CAB39L: variants seen among roughly 807,000 people sequenced by gnomAD.
CAB39L encodes the protein calcium-binding protein 39-like.
In CAB39L, 23 loss-of-function variants were observed where a neutral mutation model predicts 39.1. That is an observed-to-expected ratio of 0.59 (90% CI 0.42 to 0.83). CAB39L has a LOEUF of 0.83. Ranked by LOEUF, CAB39L falls within the 40% of genes least tolerant of loss-of-function variation. The pLI, the probability that CAB39L is intolerant of heterozygous loss-of-function variation, is 0.00. For missense variants in CAB39L, 366 were observed against 391.9 expected (o/e 0.93, Z 0.56); for synonymous variants, 126 against 137.2 (o/e 0.92, Z 0.57).
rs201040016 is a variant in CAB39L, at chr13:49,444,023, G to C, written c.-283C>G. ...CTGCGCCACCACTCCAGTGATGCCG[G>C]CCTCTCGACTACGAGTAACTCCATT... On this transcript the variant is annotated 5_prime_UTR_variant, in exon 1 of 11. Transcript: ENST00000409308. 1,718 of 456,608 alleles carry C rather than the reference G, an allele frequency of 3.8e-3. 47 individuals are homozygous for C. Among genetic ancestry groups the C allele is most frequent in the South Asian group, 0.023 (1,485 of 64,566 alleles). 28.3% of individuals were successfully genotyped at this position (456,608 alleles called of 1,614,324 possible).
intron 2 of CAB39L, among the ~76,000 whole-genome samples, chr13:49,433,745 G>C (rs1410687389): frequency 6.6e-6 from 1 of 152,200 alleles, no homozygotes; most frequent in Non-Finnish European, 1.5e-5. Flanking sequence ...TTAAAGGTCA[G>C]TGTTTACAAA....
intron 8 of CAB39L, among the ~76,000 whole-genome samples, chr13:49,343,389 G>C (rs1017881227): frequency 3.9e-5 from 6 of 152,162 alleles, no homozygotes; most frequent in African/African-American, 1.4e-4. Flanking sequence ...GTAGTAACTT[G>C]CCCAGGGCCA....
At chr13:49,412,507 A>G (rs1957009897) in intron 3 of CAB39L, among the ~76,000 whole-genome samples, 1 of 152,212 alleles carries the variant, frequency 6.6e-6, no homozygotes, top group South Asian at 2.1e-4. Context: ...GTTATCAATA[A>G]TTCTGAAAAT....
At chr13:49,347,646 T>C (rs1021379438) in intron 7 of CAB39L, among the ~76,000 whole-genome samples, 3 of 152,186 alleles carry the variant, frequency 2.0e-5, no homozygotes, top group African/African-American at 7.2e-5. Flanking sequence ...TTTAATGTCA[T>C]TCTTCATGTT....
Position 49,350,731 on chromosome 13 carries a change from A to C in CAB39L, c.564+13T>G, listed in dbSNP as rs2138466572. ...TATAAATTGACCTAGCTGAGTTGGA[A>C]AAAAAAAATTACCTTGAAAGTAGCA... On this transcript the variant is annotated intron_variant, in intron 7 of 10. Coordinates refer to ENST00000409308, the MANE Select transcript of CAB39L (RefSeq NM_001079670.3). The C allele has an allele frequency of 6.6e-7, 1 of 1,525,688 alleles. No individual in the cohort carries two copies. Among genetic ancestry groups the C allele is most frequent in the Non-Finnish European group, 8.8e-7 (1 of 1,134,724 alleles). The allele number at this position is 1,525,688 out of a possible 1,614,324, so 94.5% of individuals were successfully genotyped here.
At chr13:49,314,225 C>G (rs971788061) in intron 10 of CAB39L, among the ~76,000 whole-genome samples, 1 of 152,220 alleles carries the variant, frequency 6.6e-6, no homozygotes, top group East Asian at 1.9e-4. Flanking sequence ...GGCTCTGGAA[C>G]CTGGGTTCAA....
At chr13:49,392,661 C>T (rs1415761938) in intron 3 of CAB39L, among the ~76,000 whole-genome samples, 1 of 151,464 alleles carries the variant, frequency 6.6e-6, no homozygotes, top group East Asian at 1.9e-4. Flanking sequence ...AAAAACAAAA[C>T]AAAACAAAAA....
intron 1 of CAB39L, 146 bp from the exon 2 acceptor site, chr13:49,434,369 T>C (rs1238521495): frequency 2.0e-5 from 7 of 351,086 alleles, no homozygotes; most frequent in Non-Finnish European, 3.3e-5. Context: ...GGTCTCAATG[T>C]ACAGCTGCAA....
At chr13:49,398,090 AT>A (rs1206989826) in intron 3 of CAB39L, among the ~76,000 whole-genome samples, 12 of 152,062 alleles carry the variant, frequency 7.9e-5, no homozygotes, top group Non-Finnish European at 4.4e-5. Flanking sequence ...GATGAAAGTG[AT>A]TTTGCTAAAG....
At chr13:49,400,524 G>A (rs372063097) in intron 3 of CAB39L, among the ~76,000 whole-genome samples, 189 of 151,706 alleles carry the variant, frequency 1.2e-3, no homozygotes, top group African/African-American at 4.5e-3. Context: ...CGAGAGGAAA[G>A]CTTGGTATAA....
chr13:49,382,776 T>C (rs1359192175), intron 4 of CAB39L, 24 bp downstream of exon 4: 1 of 1,419,794 alleles, frequency 7.0e-7, no homozygotes, highest in Non-Finnish European at 9.9e-7. Context: ...ACTTTAATCA[T>C]AATGTTACTG....
intron 3 of CAB39L, among the ~76,000 whole-genome samples, chr13:49,417,711 T>C (rs1419713071): frequency 1.3e-5 from 2 of 151,908 alleles, no homozygotes; most frequent in African/African-American, 2.4e-5. Flanking sequence ...AGGGGAAGAC[T>C]GAAATAAAAC....
chr13:49,320,749 A>G (rs1954315378), intron 10 of CAB39L, among the ~76,000 whole-genome samples: 1 of 152,216 alleles, frequency 6.6e-6, no homozygotes, highest in African/African-American at 2.4e-5. Context: ...TAAGGCAACC[A>G]TGTCCTTATT....
At chr13:49,390,808 G>A (rs1252546640) in intron 3 of CAB39L, among the ~76,000 whole-genome samples, 1 of 152,046 alleles carries the variant, frequency 6.6e-6, no homozygotes, top group East Asian at 1.9e-4. Context: ...GGAATGAAGA[G>A]TAAAATACAA....
chr13:49,437,881 C>T (rs147885558), intron 1 of CAB39L, among the ~76,000 whole-genome samples: 1,702 of 152,224 alleles, frequency 0.011, 28 homozygotes, highest in African/African-American at 0.038. Context: ...AGTGCAGTGG[C>T]GCAATCACAG....
At chr13:49,402,800 T>C (rs892843304) in intron 3 of CAB39L, among the ~76,000 whole-genome samples, 5 of 152,310 alleles carry the variant, frequency 3.3e-5, no homozygotes, top group African/African-American at 1.2e-4. Flanking sequence ...TGGTTATTTC[T>C]TAGCACCTAT....
chr13:49,422,734 G>C (rs116001832), intron 3 of CAB39L, among the ~76,000 whole-genome samples: 3 of 151,538 alleles, frequency 2.0e-5, no homozygotes, highest in African/African-American at 7.3e-5. Context: ...AAATGCACCC[G>C]GCTTCCCTTA....
At chr13:49,411,367 G>A (rs1209643611) in intron 3 of CAB39L, among the ~76,000 whole-genome samples, 6 of 147,426 alleles carry the variant, frequency 4.1e-5, no homozygotes, top group African/African-American at 1.0e-4. Context: ...CCGAGATAAC[G>A]TCACTGCACT....
chr13:49,325,324 A>G (rs964283373), intron 10 of CAB39L, among the ~76,000 whole-genome samples: 4 of 152,268 alleles, frequency 2.6e-5, no homozygotes, highest in Non-Finnish European at 5.9e-5. Context: ...TTGGTGAGAC[A>G]TTAAGTCAGA....
Sources: gnomAD v4.1 joint callset for allele counts (sites outside exome capture counted in the v4.1 genomes callset) on GRCh38, gnomAD v4.1.1 for gene constraint, MANE v1.5 for transcripts, NCBI Gene and HGNC (gene_info 2026-07-23, HGNC 2026-07-21) for gene names.